The following RBFOX1 variants were observed in gnomAD, a reference collection of about 807,000 sequenced individuals.
RBFOX1 encodes the protein RNA binding fox-1 homolog 1.
In RBFOX1, 8 loss-of-function variants were observed where a neutral mutation model predicts 57.7. The observed-to-expected ratio is 0.14, with a 90% confidence interval of 0.08 to 0.25. The LOEUF (loss-of-function observed/expected upper bound fraction) is 0.25. Ranked by LOEUF, RBFOX1 falls within the 10% of genes least tolerant of loss-of-function variation. RBFOX1 has a pLI of 1.00. For missense variants in RBFOX1, 611 were observed against 548.5 expected (o/e 1.11, Z -1.14); for synonymous variants, 326 against 222.4 (o/e 1.47, Z -4.15).
At chr16:6,257,475 G>A (rs2097675403) in intron 1 of RBFOX1, among the ~76,000 whole-genome samples, 1 of 151,652 alleles carries the variant, frequency 6.6e-6, no homozygotes, top group Non-Finnish European at 1.5e-5. Flanking sequence ...TGTTACATAG[G>A]TACACTTTTG....
At chr16:5,377,914 C>T (rs1054598875) in intron 1 of RBFOX1, among the ~76,000 whole-genome samples, 34 of 151,638 alleles carry the variant, frequency 2.2e-4, no homozygotes, top group Admixed American at 6.5e-5. Flanking sequence ...CGTTTGAAAC[C>T]GTTTCTTACT....
At chr16:6,646,673 A>G (rs1035515076) in intron 2 of RBFOX1, among the ~76,000 whole-genome samples, 19 of 152,140 alleles carry the variant, frequency 1.2e-4, no homozygotes, top group African/African-American at 4.6e-4. Context: ...AAAAGCAGAC[A>G]GAGAGCTGCT....
At chr16:6,941,096 G>T (rs1246765031) in intron 3 of RBFOX1, among the ~76,000 whole-genome samples, 1 of 151,988 alleles carries the variant, frequency 6.6e-6, no homozygotes, top group African/African-American at 2.4e-5. Context: ...AGTTAAACAG[G>T]AAAGAGTCTT....
intron 3 of RBFOX1, among the ~76,000 whole-genome samples, chr16:5,663,736 A>G (rs1469711207): frequency 6.6e-6 from 1 of 152,208 alleles, no homozygotes; most frequent in Non-Finnish European, 1.5e-5. Flanking sequence ...CGTGGAAGCA[A>G]CAGGAAAGCT....
At chr16:7,024,898 G>C (rs193217366) in intron 3 of RBFOX1, among the ~76,000 whole-genome samples, 4 of 152,116 alleles carry the variant, frequency 2.6e-5, no homozygotes, top group Admixed American at 6.5e-5. Flanking sequence ...GAAGTCACCT[G>C]CTGCACTCCT....
chr16:6,918,624 C>T (rs1474287003), intron 3 of RBFOX1, among the ~76,000 whole-genome samples: 2 of 152,072 alleles, frequency 1.3e-5, no homozygotes, highest in Non-Finnish European at 2.9e-5. Flanking sequence ...AATCTCATAC[C>T]CTTCTCAGTG....
At chr16:7,414,662 G>T (rs1368927102) in intron 4 of RBFOX1, among the ~76,000 whole-genome samples, 1 of 152,080 alleles carries the variant, frequency 6.6e-6, no homozygotes, top group African/African-American at 2.4e-5. Flanking sequence ...CTGTCACCCA[G>T]GCTGGAGTGT....
At chr16:6,819,703 C>T (rs1389566187) in intron 3 of RBFOX1, among the ~76,000 whole-genome samples, 1 of 28,154 alleles carries the variant, frequency 3.6e-5, no homozygotes, top group Non-Finnish European at 5.7e-5. Flanking sequence ...GAAACTCTGA[C>T]TCAAAAAAAA....
chr16:6,680,462 A>C (rs1037315067), intron 3 of RBFOX1, among the ~76,000 whole-genome samples: 1 of 151,648 alleles, frequency 6.6e-6, no homozygotes, highest in Non-Finnish European at 1.5e-5. Flanking sequence ...ACGAGGTTTC[A>C]CCATGTTAGC....
downstream of RBFOX1, chr16:5,601,252 G>C (rs1270886158): frequency 6.6e-6 from 1 of 152,420 alleles, no homozygotes; most frequent in South Asian, 2.1e-4. Context: ...GCTGTCTTCT[G>C]AAGGCTGGAG....
chr16:5,861,920 TG>T (rs1206445889), intron 3 of RBFOX1, among the ~76,000 whole-genome samples: 1 of 152,016 alleles, frequency 6.6e-6, no homozygotes, highest in Admixed American at 6.6e-5. Context: ...TTGCTGCCTG[TG>T]GGGGGAATGG....
chr16:6,915,111 C>G (rs141029037), intron 3 of RBFOX1, among the ~76,000 whole-genome samples: 1 of 152,172 alleles, frequency 6.6e-6, no homozygotes, highest in Non-Finnish European at 1.5e-5. Flanking sequence ...GGCCTGCGGT[C>G]CTCCAGCTAA....
intron 3 of RBFOX1, among the ~76,000 whole-genome samples, chr16:7,017,858 G>C (rs894634843): frequency 1.3e-5 from 2 of 152,140 alleles, no homozygotes; most frequent in Non-Finnish European, 2.9e-5. Context: ...CATTCATTCA[G>C]AGAGAATTGG....
At chr16:6,712,097 G>T (rs970204444) in intron 3 of RBFOX1, among the ~76,000 whole-genome samples, 43 of 152,268 alleles carry the variant, frequency 2.8e-4, no homozygotes, top group Non-Finnish European at 4.7e-4. Flanking sequence ...ACCTAGAACA[G>T]ACTTATTAGA....
intron 2 of RBFOX1, among the ~76,000 whole-genome samples, chr16:6,391,029 A>G (rs916371425): frequency 6.6e-6 from 1 of 152,152 alleles, no homozygotes; most frequent in Non-Finnish European, 1.5e-5. Context: ...TCTACCCACT[A>G]GACGATAGTA....
intron 4 of RBFOX1, among the ~76,000 whole-genome samples, chr16:7,447,449 A>AAAG (rs1555461272): frequency 2.0e-5 from 3 of 151,474 alleles, no homozygotes; most frequent in Non-Finnish European, 4.4e-5. Flanking sequence ...AAAAAAAAAA[A>AAAG]AGAGAGATTC....
chr16:6,994,502 A>G (rs17141981), intron 3 of RBFOX1, among the ~76,000 whole-genome samples: 5,728 of 152,262 alleles, frequency 0.038, 384 homozygotes, highest in African/African-American at 0.13. Context: ...TTTTAGGTAA[A>G]CAACAAGTGA....
intron 1 of RBFOX1, among the ~76,000 whole-genome samples, chr16:5,318,986 G>A (rs1183716513): frequency 6.6e-6 from 1 of 152,122 alleles, no homozygotes; most frequent in African/African-American, 2.4e-5. Context: ...AATTAGCTGG[G>A]CATGGTGGCG....
At chr16:6,191,514 G>A (rs571537962) in intron 1 of RBFOX1, among the ~76,000 whole-genome samples, 1 of 152,100 alleles carries the variant, frequency 6.6e-6, no homozygotes, top group African/African-American at 2.4e-5. Flanking sequence ...CAACTGCCGT[G>A]TATCTCAAAT....
Sources: gnomAD v4.1 joint callset for allele counts (sites outside exome capture counted in the v4.1 genomes callset) on GRCh38, gnomAD v4.1.1 for gene constraint, MANE v1.5 for transcripts, NCBI Gene and HGNC (gene_info 2026-07-23, HGNC 2026-07-21) for gene names.